Variants in POLN observed in about 807,000 individuals in gnomAD.
POLN encodes DNA polymerase nu, also known as DNA polymerase N.
In POLN, 108 loss-of-function variants were observed where a neutral mutation model predicts 113.5. The observed-to-expected ratio is 0.95, with a 90% CI of 0.81 to 1.12. The LOEUF (loss-of-function observed/expected upper bound fraction) is 1.12, where lower values mean the gene tolerates loss of function less well. Among genes scored for constraint, POLN ranks in the 50% most tolerant of loss-of-function variants. The probability of loss-of-function intolerance (pLI) is 0.00; values close to 1 mark genes in which losing one functional copy is unlikely to be tolerated. For synonymous variants in POLN, 386 were observed against 391.5 expected (o/e 0.99, Z 0.17); for missense variants, 1,097 against 1,077.1 (o/e 1.02, Z -0.26).
At chr4:2,144,309 T>C (rs1045921147) in intron 16 of POLN, among the ~76,000 whole-genome samples, 1 of 151,868 alleles carries the variant, frequency 6.6e-6, no homozygotes, top group Non-Finnish European at 1.5e-5. Context: ...CATGCCCAGC[T>C]AATTTTTGTA....
At chr4:2,081,926 G>T (rs1325557931) in intron 21 of POLN, among the ~76,000 whole-genome samples, 183 bp from the exon 22 acceptor site, 1 of 150,132 alleles carries the variant, frequency 6.7e-6, no homozygotes, top group Non-Finnish European at 1.5e-5. Context: ...GAAAGCGAGG[G>T]TCTGAGCTGG....
Position 2,171,191 on chromosome 4 carries a change from T to C in POLN, c.1375-10A>G. ...ATTCCTTGAGACGAGCCTGAAAATA[T>C]GATACACACAATTAATTTCATTCAT... On this transcript the variant is annotated splice_polypyrimidine_tract_variant and intron_variant, in intron 11 of 25. Coordinates refer to ENST00000511885, the MANE Select transcript of POLN (RefSeq NM_181808.4). 1 of 1,598,026 alleles carries C rather than the reference T, an allele frequency of 6.3e-7. No individual in the cohort carries two copies. The highest frequency in any genetic ancestry group is 1.1e-5 in the South Asian group (1 of 88,862).
At chr4:2,091,537 T>G (rs1730662463) in intron 20 of POLN, among the ~76,000 whole-genome samples, 1 of 152,146 alleles carries the variant, frequency 6.6e-6, no homozygotes, top group Non-Finnish European at 1.5e-5. Context: ...GGATGGCTTT[T>G]GGCTCTGTGG....
At chr4:2,196,622 T>C (rs1299056460) in intron 6 of POLN, among the ~76,000 whole-genome samples, 7 of 146,736 alleles carry the variant, frequency 4.8e-5, no homozygotes, top group Non-Finnish European at 1.0e-4. Context: ...AGTTTAAAAA[T>C]GGCACTGTGG....
intron 7 of POLN, among the ~76,000 whole-genome samples, chr4:2,186,473 G>C (rs1342087735): frequency 1.3e-5 from 2 of 152,136 alleles, no homozygotes; most frequent in South Asian, 4.1e-4. Context: ...TATTCCCTTA[G>C]GGACTTTCCT....
In POLN at chr4:2,186,110, T is replaced by C. The variant is rs76649358; in HGVS notation, c.1022-6645A>G. Among the ~76,000 whole-genome samples, 187 of 152,322 alleles carry C rather than the reference T, an allele frequency of 1.2e-3. 3 individuals carry two copies. The East Asian group carries it at 0.029, about 24-fold the overall frequency. ...GTAAGAGAATCAGACTTTATGTCCCTTCCCCAATCTGCCAGTCACCAAACA... is the reference window on the plus strand; with the variant it reads ...GTAAGAGAATCAGACTTTATGTCCCCTCCCCAATCTGCCAGTCACCAAACA... On this transcript the variant is annotated intron_variant, in intron 7 of 25. Coordinates refer to ENST00000511885, the MANE Select transcript of POLN (RefSeq NM_181808.4).
intron 2 of POLN, chr4:2,231,806 C>T: frequency 1.7e-6 from 1 of 600,890 alleles, no homozygotes; most frequent in Non-Finnish European, 3.0e-6. Context: ...TATAATAGTT[C>T]AATTCATCAA....
rs200442712 is a variant in POLN at position 2,174,673 on chromosome 4, A to G, written c.1309+18T>C. The G allele has an allele frequency of 4.9e-5, 78 of 1,589,540 alleles. No individual in the cohort carries two copies. The highest frequency in any genetic ancestry group is 6.4e-5 in the Non-Finnish European group (74 of 1,158,152). Reference sequence around the variant, plus strand: ...CCCTCTAGAAAAATGGCTGTACTTCATCTTTATGGTAACTTACCTGCCAAA... The same window carrying G: ...CCCTCTAGAAAAATGGCTGTACTTCGTCTTTATGGTAACTTACCTGCCAAA... On this transcript the variant is annotated intron_variant, in intron 10 of 25. Coordinates refer to ENST00000511885, the MANE Select transcript of POLN (RefSeq NM_181808.4).
chr4:2,177,068 C>T (rs1347927191), intron 8 of POLN, among the ~76,000 whole-genome samples: 1 of 152,174 alleles, frequency 6.6e-6, no homozygotes, highest in Non-Finnish European at 1.5e-5. Context: ...GCTTGTGGCT[C>T]TCCTGTGAAT....
At chr4:2,173,583 G>A (rs2181397) in intron 11 of POLN, among the ~76,000 whole-genome samples, 1 of 151,996 alleles carries the variant, frequency 6.6e-6, no homozygotes, top group East Asian at 1.9e-4. Context: ...GTTTTCTTAA[G>A]AAAACTGAAG....
intron 2 of POLN, among the ~76,000 whole-genome samples, chr4:2,233,554 C>A (rs1435331560): frequency 6.6e-6 from 1 of 152,054 alleles, no homozygotes; most frequent in East Asian, 1.9e-4. Context: ...ATTCCTGATA[C>A]ACAGTGTGGA....
At chr4:2,186,235 C>T (rs1733269428) in intron 7 of POLN, among the ~76,000 whole-genome samples, 1 of 152,176 alleles carries the variant, frequency 6.6e-6, no homozygotes, top group African/African-American at 2.4e-5. Flanking sequence ...GGCAGGAGAC[C>T]CGTCCCTGCC....
chr4:2,169,736 G>A (rs1294010747), intron 13 of POLN, among the ~76,000 whole-genome samples: 1 of 152,236 alleles, frequency 6.6e-6, no homozygotes, highest in Non-Finnish European at 1.5e-5. Flanking sequence ...CACTGCCCTT[G>A]TTCTTACTTA....
intron 2 of POLN, chr4:2,230,473 C>A (rs1247045948): frequency 2.7e-5 from 4 of 150,598 alleles, no homozygotes; most frequent in African/African-American, 7.3e-5. Flanking sequence ...ACATATACAA[C>A]AAAAAAAAAG....
intron 21 of POLN, 61 bp downstream of exon 21, chr4:2,085,552 C>A (rs958910718): frequency 1.1e-5 from 17 of 1,598,432 alleles, no homozygotes; most frequent in Non-Finnish European, 1.5e-5. Flanking sequence ...ACGCAGCTGT[C>A]CCCCCATCCT....
At chr4:2,181,303 C>T (rs528834013) in intron 7 of POLN, among the ~76,000 whole-genome samples, 1 of 152,122 alleles carries the variant, frequency 6.6e-6, no homozygotes, top group African/African-American at 2.4e-5. Flanking sequence ...CACCACCATG[C>T]CCAGCTAATT....
chr4:2,241,144 T>C, intron 2 of POLN: 1 of 500,702 alleles, frequency 2.0e-6, no homozygotes, highest in Non-Finnish European at 3.4e-6. Flanking sequence ...GACAGTGTTT[T>C]TAAAAAGAAG....
intron 2 of POLN, chr4:2,238,679 A>G (rs995730198): frequency 6.2e-7 from 1 of 1,613,492 alleles, no homozygotes; most frequent in African/African-American, 1.3e-5. Flanking sequence ...ATCTGTTAAC[A>G]TTTCTAATTG....
intron 4 of POLN, 66 bp from the exon 5 acceptor site, chr4:2,208,553 A>G: frequency 7.6e-7 from 1 of 1,313,066 alleles, no homozygotes; most frequent in Non-Finnish European, 1.0e-6. Context: ...AAACTAAACT[A>G]ATTTCTGGTA....
Sources: gnomAD v4.1 joint callset for allele counts (sites outside exome capture counted in the v4.1 genomes callset) on GRCh38, gnomAD v4.1.1 for gene constraint, MANE v1.5 for transcripts, NCBI Gene and HGNC (gene_info 2026-07-23, HGNC 2026-07-21) for gene names.